EBF2: variants seen among roughly 807,000 people sequenced by gnomAD.
The protein encoded by EBF2 is transcription factor COE2.
Under a neutral mutation model 72.8 loss-of-function variants are expected in EBF2, and 21 were observed. The ratio of observed to expected loss-of-function variants is 0.29; its 90% confidence interval spans 0.20 to 0.42. EBF2 has a LOEUF of 0.42. Among genes scored for constraint, EBF2 ranks in the 10% least tolerant of loss-of-function variants. The pLI, the probability that EBF2 is intolerant of heterozygous loss-of-function variation, is 1.00. For synonymous variants in EBF2, 299 were observed against 274.2 expected, an observed-to-expected ratio of 1.09 and a Z score of -0.89; for missense variants, 637 against 731.2, an observed-to-expected ratio of 0.87 and a Z score of 1.49.
intron 14 of EBF2, among the ~76,000 whole-genome samples, chr8:25,854,929 A>T (rs1033374270): frequency 1.3e-5 from 2 of 152,024 alleles, no homozygotes; most frequent in Admixed American, 1.3e-4. Context: ...TCTGTCCCAA[A>T]CTCTGCGTAG....
intron 6 of EBF2, among the ~76,000 whole-genome samples, chr8:25,940,571 T>G (rs1056882694): frequency 1.3e-5 from 2 of 151,658 alleles, no homozygotes; most frequent in Non-Finnish European, 2.9e-5. Flanking sequence ...GCAACCTCTG[T>G]GATCATTTCC....
intron 14 of EBF2, among the ~76,000 whole-genome samples, chr8:25,851,799 G>A (rs964735621): frequency 2.6e-5 from 4 of 152,184 alleles, no homozygotes; most frequent in African/African-American, 7.2e-5. Flanking sequence ...AAGTAAATTC[G>A]AAAGTGAGGA....
At chr8:25,945,331 A>C (rs1486163217) in intron 6 of EBF2, among the ~76,000 whole-genome samples, 3 of 152,006 alleles carry the variant, frequency 2.0e-5, no homozygotes, top group Non-Finnish European at 4.4e-5. Context: ...CAGACCAGAA[A>C]ATTTCTAGCA....
intron 6 of EBF2, among the ~76,000 whole-genome samples, chr8:25,958,753 C>T (rs944383970): frequency 2.1e-4 from 32 of 152,324 alleles, no homozygotes; most frequent in African/African-American, 7.2e-4. Context: ...GCCAGTAGAA[C>T]GGCGGCTTTC....
At chr8:26,030,054 G>T (rs1156945039) in intron 6 of EBF2, among the ~76,000 whole-genome samples, 1 of 152,118 alleles carries the variant, frequency 6.6e-6, no homozygotes, top group East Asian at 1.9e-4. Context: ...TAGGGCCACA[G>T]GTGTGCACCA....
intron 14 of EBF2, among the ~76,000 whole-genome samples, chr8:25,851,941 C>CAATTGCCT (rs1310061677): frequency 1.3e-5 from 2 of 152,142 alleles, no homozygotes; most frequent in Non-Finnish European, 2.9e-5. Flanking sequence ...CACGTCCACC[C>CAATTGCCT]AATTGCCTGT....
chr8:25,924,453 G>A (rs563835590), intron 6 of EBF2, among the ~76,000 whole-genome samples: 33 of 152,296 alleles, frequency 2.2e-4, no homozygotes, highest in Admixed American at 1.4e-3. Context: ...CGGAAGGAGG[G>A]CGCGATGGAT....
rs557559676 is a variant in EBF2, at chr8:25,850,119, G to C, written c.1696+475C>G. Among the ~76,000 whole-genome samples, 4 of 152,208 alleles carry C rather than the reference G, an allele frequency of 2.6e-5. No homozygotes were observed. In the South Asian group the frequency reaches 8.3e-4, roughly 32 times the overall value. ...CTGATCTTACTTTTTAAAAAAATTT[G>C]ATTATTTTTTGAGATGGAGTTTTGC... is the stretch of plus-strand genomic sequence containing the variant. On this transcript the variant is annotated intron_variant, in intron 15 of 15. Coordinates refer to ENST00000520164, the MANE Select transcript of EBF2 (RefSeq NM_022659.4).
chr8:26,013,403 C>T (rs1011227967), intron 6 of EBF2, among the ~76,000 whole-genome samples: 3 of 152,170 alleles, frequency 2.0e-5, no homozygotes, highest in Non-Finnish European at 4.4e-5. Context: ...TTAACTAATA[C>T]TTGCTGGGTG....
At chr8:25,908,628 A>C (rs554026812) in intron 6 of EBF2, 73 bp from the exon 7 acceptor site, 1 of 1,013,622 alleles carries the variant, frequency 9.9e-7, no homozygotes, top group East Asian at 2.5e-5. Flanking sequence ...GCATTCCATT[A>C]GATTTGATTT....
At chr8:25,915,591 A>G (rs187143474) in intron 6 of EBF2, among the ~76,000 whole-genome samples, 2 of 145,698 alleles carry the variant, frequency 1.4e-5, no homozygotes, top group South Asian at 2.3e-4. Context: ...CATAGCCCAA[A>G]TAGCTTCAGC....
Position 25,844,626 on chromosome 8 carries a change from C to T in EBF2, c.1711G>A (p.Val571Ile), listed in dbSNP as rs369189435. ...GTTCTTCTTTACATCGGGGGTACAA[C>T]AAGTCCGGTCATGGCTGCAAGGAAA... ...GNGFRAMTGL[V>I]VPPM The change falls in exon 16 of 16, where the codon GTT becomes ATT. Residue 571 changes from valine to isoleucine, a missense_variant. Physicochemically the swap from Val to Ile is conservative, Grantham distance 29. This residue lies in a region of EBF2 where 259 missense variants were observed against 268.1 expected (regional missense o/e 0.97). Coordinates refer to ENST00000520164, the MANE Select transcript of EBF2 (RefSeq NM_022659.4). The T allele has an allele frequency of 4.3e-6, 7 of 1,613,920 alleles. No homozygotes were observed. In the African/African-American group the frequency reaches 8.0e-5, roughly 18 times the overall value.
Position 25,858,441 on chromosome 8 carries a change from T to A in EBF2, c.1406A>T (p.Gln469Leu), listed in dbSNP as rs1382432282. ...GTTGCTGGAGGTACTGTAATTAGACTGTTGAGGCGTGGAGCTGGAAGAGTA... is the reference window on the plus strand; with the variant it reads ...GTTGCTGGAGGTACTGTAATTAGACAGTTGAGGCGTGGAGCTGGAAGAGTA... ...RGYSSSSTPQ[Q>L]SNYSTSSNSM... is the part of the protein sequence containing the mutation. Residue 469 changes from glutamine (Q) to leucine (L), a missense_variant, in exon 14 of 16, where the codon CAG becomes CTG. By Grantham distance (113) the Gln-to-Leu change is moderately radical. Coordinates refer to ENST00000520164, the MANE Select transcript of EBF2 (RefSeq NM_022659.4). 1 of 1,614,066 alleles carries A rather than the reference T, an allele frequency of 6.2e-7. No individual in the cohort carries two copies. Among genetic ancestry groups the A allele is most frequent in the Non-Finnish European group, 8.5e-7 (1 of 1,179,996 alleles).
intron 6 of EBF2, among the ~76,000 whole-genome samples, chr8:25,986,695 TA>T (rs1343690735): frequency 6.7e-6 from 1 of 149,870 alleles, no homozygotes; most frequent in Non-Finnish European, 1.5e-5. Flanking sequence ...ACTGACTTTT[TA>T]GGGGGATGGC....
intron 6 of EBF2, among the ~76,000 whole-genome samples, chr8:25,981,017 G>C (rs1804353741): frequency 6.6e-6 from 1 of 152,070 alleles, no homozygotes; most frequent in Non-Finnish European, 1.5e-5. Context: ...TTGGTTCCCA[G>C]CTCCAGGAAT....
At chr8:25,877,014 G>A (rs1204010559) in intron 10 of EBF2, among the ~76,000 whole-genome samples, 1 of 152,154 alleles carries the variant, frequency 6.6e-6, no homozygotes, top group African/African-American at 2.4e-5. Context: ...GTGTAGTCCA[G>A]GTTCTGCAAA....
At chr8:26,031,341 G>A (rs2117255713) in intron 6 of EBF2, 1 of 151,880 alleles carries the variant, frequency 6.6e-6, no homozygotes, top group Middle Eastern at 3.4e-3. Flanking sequence ...GACAGAAAAA[G>A]TGCTGGGAGA....
rs181650309 is a variant in EBF2, at chr8:25,981,062, C to T, written c.551+52023G>A. 2.0e-5 allele frequency among the ~76,000 whole-genome samples: 3 copies of T among 152,272 alleles called. No homozygotes were observed. The East Asian group carries it at 5.8e-4, about 30-fold the overall frequency. On this transcript the variant is annotated intron_variant, in intron 6 of 15. Coordinates refer to ENST00000520164, the MANE Select transcript of EBF2 (RefSeq NM_022659.4). The stretch of plus-strand genomic sequence containing the variant: ...TCTGCCTGAAACTTGAAGAACATCT[C>T]GTTTGTTCCTCTCTAAGCCTTGCTC...
chr8:26,045,065 G>C lies in EBF2; in HGVS notation c.-206C>G. 2 of 526,816 alleles carry C rather than the reference G, an allele frequency of 3.8e-6. No homozygotes were observed. The highest frequency in any genetic ancestry group is 6.6e-5 in the East Asian group (2 of 30,366). The allele number at this position is 526,816 out of a possible 1,614,324, so 32.6% of individuals were successfully genotyped here. A position where few individuals can be genotyped will look rare whatever the true frequency, so the allele number is the denominator to read the frequency against. On this transcript the variant is annotated 5_prime_UTR_variant, in exon 1 of 16. Coordinates refer to ENST00000520164, the MANE Select transcript of EBF2 (RefSeq NM_022659.4). Reference sequence around the variant, plus strand: ...TGCGGACTGATGTAGTCAAAGTTTGGGTTCTTATCCTCCGCAAGTTCAGAT... The same window carrying C: ...TGCGGACTGATGTAGTCAAAGTTTGCGTTCTTATCCTCCGCAAGTTCAGAT...
Sources: gnomAD v4.1 joint callset for allele counts (sites outside exome capture counted in the v4.1 genomes callset) on GRCh38, gnomAD v4.1.1 for gene constraint, gnomAD v4.1.1 regional missense constraint, MANE v1.5 for transcripts, NCBI Gene and HGNC (gene_info 2026-07-23, HGNC 2026-07-21) for gene names.